MRPS35: variants seen among roughly 807,000 people sequenced by gnomAD.
MRPS35 encodes the protein mitochondrial ribosomal protein S35, also known as small ribosomal subunit protein mS35.
MRPS35 carries 29 observed loss-of-function variants against 32.7 expected under a neutral mutation model. The observed-to-expected ratio is 0.89, with a 90% CI of 0.66 to 1.21. MRPS35 has a LOEUF of 1.21. Ranked by LOEUF, MRPS35 falls within the 50% of genes most tolerant of loss-of-function variation. The pLI is 0.00. For missense variants in MRPS35, 373 were observed against 383.8 expected, an observed-to-expected ratio of 0.97 and a Z score of 0.23; for synonymous variants, 148 against 139.3, an observed-to-expected ratio of 1.06 and a Z score of -0.44.
intron 7 of MRPS35, among the ~76,000 whole-genome samples, chr12:27,752,087 A>G (rs1323023735): frequency 1.1e-5 from 1 of 88,560 alleles, no homozygotes; most frequent in Non-Finnish European, 2.2e-5. Flanking sequence ...CAAAAAAAAA[A>G]ATAAAATAAA....
chr12:27,735,558 T>A lies in MRPS35; in HGVS notation c.632+2T>A. On this transcript the variant is annotated splice_donor_variant, in intron 6 of 7. Transcript: ENST00000081029. LOFTEE classifies it high-confidence loss of function. Reference sequence around the variant, plus strand: ...TGTGCTTACCATCAAAACAGATAGGTAATGGAAAAAATGTTCAGCCGACTG... The same window carrying A: ...TGTGCTTACCATCAAAACAGATAGGAAATGGAAAAAATGTTCAGCCGACTG... The A allele has an allele frequency of 6.2e-7, 1 of 1,603,320 alleles. No individual in the cohort carries two copies. The highest frequency in any genetic ancestry group is 8.5e-7 in the Non-Finnish European group (1 of 1,173,432).
chr12:27,752,549 T>C (rs1315058223), intron 7 of MRPS35, among the ~76,000 whole-genome samples: 5 of 152,212 alleles, frequency 3.3e-5, no homozygotes, highest in African/African-American at 7.2e-5. Flanking sequence ...TGAGATGGAG[T>C]GACCGTTTTA....
chr12:27,751,860 C>T (rs565027975), intron 7 of MRPS35, among the ~76,000 whole-genome samples: 1 of 152,346 alleles, frequency 6.6e-6, no homozygotes, highest in South Asian at 2.1e-4. Flanking sequence ...TGTGCGCCTG[C>T]ACGCCAAACT....
At chr12:27,739,757 G>A (rs1041960914) in intron 7 of MRPS35, among the ~76,000 whole-genome samples, 3 of 152,110 alleles carry the variant, frequency 2.0e-5, no homozygotes, top group African/African-American at 7.2e-5. Context: ...AATACAACCC[G>A]TTTTGACTTT....
chr12:27,744,867 G>GTCTCTGTCTCTGTGT (rs2061976757), intron 7 of MRPS35, among the ~76,000 whole-genome samples: 1 of 151,730 alleles, frequency 6.6e-6, no homozygotes, highest in Non-Finnish European at 1.5e-5. Flanking sequence ...CTCTGACTTT[G>GTCTCTGTCTCTGTGT]TTTTTTTTAA....
At chr12:27,735,330 A>ACT in intron 5 of MRPS35, 117 bp from the exon 6 acceptor site, 1 of 688,810 alleles carries the variant, frequency 1.5e-6, no homozygotes, top group Middle Eastern at 4.2e-4. Context: ...TATAGAAAGG[A>ACT]GTTTGGAAAG....
rs369791480 is a variant in MRPS35 at position 27,723,009 on chromosome 12, C to T, written c.383-1038C>T. ...CTCCCACATCTGCCTGTGATTATGA[C>T]CAGCCTTTTCTGCAGTTGTGCTTTT... On this transcript the variant is annotated intron_variant, in intron 4 of 7. Transcript: ENST00000081029. Among the ~76,000 whole-genome samples the T allele has an allele frequency of 6.6e-5, 10 of 152,326 alleles. No homozygotes were observed. The South Asian group carries it at 2.1e-3, about 32-fold the overall frequency.
In MRPS35 at chr12:27,726,047, C is replaced by T. The variant is rs776959866; in HGVS notation, c.522+1861C>T. On this transcript the variant is annotated intron_variant, in intron 5 of 7. Transcript: ENST00000081029. ...CTGGTCTCAAATTCCTGGACTCAGG[C>T]GATCTGCCTGCCTTGGGCTCCCAAA... Among the ~76,000 whole-genome samples the T allele has an allele frequency of 4.0e-5, 6 of 151,280 alleles. 1 individual carries two copies. The highest frequency in any genetic ancestry group is 1.5e-4 in the African/African-American group (6 of 40,744).
chr12:27,741,197 A>T (rs2061963692), intron 7 of MRPS35, among the ~76,000 whole-genome samples: 1 of 152,144 alleles, frequency 6.6e-6, no homozygotes, highest in Non-Finnish European at 1.5e-5. Flanking sequence ...TAATTAAAAA[A>T]TAAGCAAGGA....
intron 2 of MRPS35, 41 bp from the exon 3 acceptor site, chr12:27,716,248 ATG>A: frequency 7.0e-7 from 1 of 1,434,640 alleles, no homozygotes; most frequent in Non-Finnish European, 9.3e-7. Context: ...GAATTAAAGA[ATG>A]TGTTTATATT....
intron 4 of MRPS35, among the ~76,000 whole-genome samples, chr12:27,722,674 C>T (rs559453100): frequency 1.4e-3 from 212 of 152,098 alleles, no homozygotes; most frequent in Middle Eastern, 3.4e-3. Context: ...CCTCAACAAT[C>T]TTGCTCTGTT....
rs2062022100 is a variant in MRPS35, at chr12:27,755,315, T to G, written c.837T>G (p.Asn279Lys). 1 of 1,612,350 alleles carries G rather than the reference T, an allele frequency of 6.2e-7. No individual in the cohort carries two copies. The highest frequency in any genetic ancestry group is 2.2e-5 in the East Asian group (1 of 44,794). Residue 279 changes from asparagine (N) to lysine (K), a missense_variant, in exon 8 of 8, where the codon AAT becomes AAG. Physicochemically the swap from Asn to Lys is moderately conservative, Grantham distance 94. Coordinates refer to ENST00000081029, the MANE Select transcript of MRPS35 (RefSeq NM_021821.4). Reference sequence around the variant, plus strand: ...CTGCTGAGAAAAATATGGAAATAAATAAAGAAGAGCTCCTTGGTACTAAAG... The same window carrying G: ...CTGCTGAGAAAAATATGGAAATAAAGAAAGAAGAGCTCCTTGGTACTAAAG... Reference protein sequence around the residue: ...MKAAEKNMEINKEELLGTKEI... With the variant: ...MKAAEKNMEIKKEELLGTKEI...
Position 27,728,847 on chromosome 12 carries a change from C to G in MRPS35, c.522+4661C>G, listed in dbSNP as rs1369753912. The stretch of plus-strand genomic sequence containing the variant: ...CTTTATCTCCTGTATTTCACATAAC[C>G]TGGAAGTTAGATTTAAAGGGCTGAT... On this transcript the variant is annotated intron_variant, in intron 5 of 7. Transcript: ENST00000081029. 2.0e-5 allele frequency among the ~76,000 whole-genome samples: 3 copies of G among 151,998 alleles called. 1 individual carries two copies. Among genetic ancestry groups the G allele is most frequent in the African/African-American group, 7.3e-5 (3 of 41,314 alleles).
chr12:27,712,457 G>A (rs1480548091), intron 1 of MRPS35, among the ~76,000 whole-genome samples: 2 of 152,216 alleles, frequency 1.3e-5, no homozygotes, highest in East Asian at 3.8e-4. Context: ...ACTGGGGTAA[G>A]AGTGGAAGCC....
chr12:27,749,633 G>A (rs1365514575), intron 7 of MRPS35, among the ~76,000 whole-genome samples: 1 of 152,186 alleles, frequency 6.6e-6, no homozygotes, highest in Non-Finnish European at 1.5e-5. Flanking sequence ...CCATTCTGCA[G>A]GTTTGTGGAA....
chr12:27,735,256 C>T (rs944118890), intron 5 of MRPS35, among the ~76,000 whole-genome samples, 191 bp from the exon 6 acceptor site: 11 of 152,176 alleles, frequency 7.2e-5, no homozygotes, highest in Middle Eastern at 3.2e-3. Context: ...AGTATGTTGC[C>T]TTCCCTTTTT....
intron 7 of MRPS35, 46 bp downstream of exon 7, chr12:27,737,654 T>C (rs2140773275): frequency 6.8e-7 from 1 of 1,462,122 alleles, no homozygotes; most frequent in South Asian, 1.2e-5. Flanking sequence ...GTAATTTAGA[T>C]GATGTTAACC....
At chr12:27,751,973 T>A (rs2062006161) in intron 7 of MRPS35, among the ~76,000 whole-genome samples, 1 of 152,056 alleles carries the variant, frequency 6.6e-6, no homozygotes, top group Non-Finnish European at 1.5e-5. Flanking sequence ...GTGCGGTGGC[T>A]TACACCCTGT....
chr12:27,713,058 C>T (rs182270877), intron 1 of MRPS35, among the ~76,000 whole-genome samples: 222 of 152,284 alleles, frequency 1.5e-3, no homozygotes, highest in African/African-American at 5.0e-3. Context: ...ATAGTTAAGA[C>T]GCCTGTTAAG....
Sources: allele counts gnomAD v4.1 joint callset (sites outside exome capture counted in the v4.1 genomes callset), GRCh38; gene constraint gnomAD v4.1.1; transcripts MANE v1.5; gene names NCBI Gene and HGNC (gene_info 2026-07-23, HGNC 2026-07-21).